PDE4D: variants seen among roughly 807,000 people sequenced by gnomAD.
PDE4D encodes the protein phosphodiesterase 4D.
A neutral mutation model predicts 87.4 loss-of-function variants in PDE4D; 24 were observed. That is an observed-to-expected ratio of 0.27 (90% CI 0.20 to 0.39). The LOEUF is 0.39. PDE4D is among the 10% of genes least tolerant of loss of function. The probability of loss-of-function intolerance (pLI) is 1.00; values close to 1 mark genes in which losing one functional copy is unlikely to be tolerated. For missense variants in PDE4D, 714 were observed against 1,041.0 expected, an observed-to-expected ratio of 0.69 and a Z score of 4.32; for synonymous variants, 384 against 383.2, an observed-to-expected ratio of 1.00 and a Z score of -0.02.
chr5:60,028,008 C>T (rs1766819778), intron 2 of PDE4D, among the ~76,000 whole-genome samples: 1 of 152,186 alleles, frequency 6.6e-6, no homozygotes, highest in African/African-American at 2.4e-5. Context: ...ATGGCCTCAA[C>T]TGTCATTCAC....
At chr5:58,986,538 G>A (rs1197196109) in intron 11 of PDE4D, among the ~76,000 whole-genome samples, 1 of 152,218 alleles carries the variant, frequency 6.6e-6, no homozygotes, top group Non-Finnish European at 1.5e-5. Flanking sequence ...TGTCAGATCA[G>A]CAGGGACATT....
At chr5:60,317,315 T>A (rs1283352348) in intron 1 of PDE4D, among the ~76,000 whole-genome samples, 1 of 152,234 alleles carries the variant, frequency 6.6e-6, no homozygotes, top group African/African-American at 2.4e-5. Flanking sequence ...TTTGTATTTC[T>A]GTGGAATCAG....
intron 1 of PDE4D, among the ~76,000 whole-genome samples, chr5:60,463,051 C>T (rs944217419): frequency 2.0e-5 from 3 of 152,144 alleles, no homozygotes; most frequent in African/African-American, 7.2e-5. Context: ...TCAGAAACCC[C>T]TGCAAACTCA....
intron 11 of PDE4D, among the ~76,000 whole-genome samples, chr5:58,981,893 T>C (rs1291988452): frequency 6.6e-6 from 1 of 152,176 alleles, no homozygotes; most frequent in Non-Finnish European, 1.5e-5. Flanking sequence ...TACTCTTCCT[T>C]ACCTTCATTG....
exon 3 of PDE4D, chr5:59,988,677 T>A: frequency 1.3e-6 from 2 of 1,598,554 alleles, no homozygotes; most frequent in Non-Finnish European, 1.7e-6. Context: ...GCGGAAAGGG[T>A]CTTCCTCTTC....
chr5:59,728,201 A>G (rs755446097), intron 1 of PDE4D, among the ~76,000 whole-genome samples: 57 of 152,102 alleles, frequency 3.7e-4, no homozygotes, highest in Non-Finnish European at 5.6e-4. Context: ...AGATGACATT[A>G]AGACTTGAGC....
chr5:60,110,186 T>C (rs1001875443), intron 2 of PDE4D, among the ~76,000 whole-genome samples: 3 of 151,886 alleles, frequency 2.0e-5, no homozygotes, highest in Non-Finnish European at 4.4e-5. Flanking sequence ...TATATTAAAC[T>C]AAAAAGTTTC....
intron 2 of PDE4D, among the ~76,000 whole-genome samples, chr5:60,083,224 T>C (rs1774164564): frequency 6.6e-6 from 1 of 152,214 alleles, no homozygotes; most frequent in Non-Finnish European, 1.5e-5. Context: ...ATAAATGAAC[T>C]CAGGACCTTT....
intron 1 of PDE4D, among the ~76,000 whole-genome samples, chr5:59,733,724 T>C (rs1462360106): frequency 6.6e-6 from 1 of 150,600 alleles, no homozygotes; most frequent in Non-Finnish European, 1.5e-5. Flanking sequence ...ATAGCATCCA[T>C]ATTACCATCT....
chr5:60,220,059 T>C (rs1363678394), intron 1 of PDE4D, among the ~76,000 whole-genome samples: 1 of 152,148 alleles, frequency 6.6e-6, no homozygotes, highest in African/African-American at 2.4e-5. Context: ...GGAAGCTGGA[T>C]TACTTATATC....
intron 2 of PDE4D, among the ~76,000 whole-genome samples, chr5:59,204,080 A>G (rs1413393677): frequency 6.6e-6 from 1 of 152,178 alleles, no homozygotes; most frequent in Admixed American, 6.5e-5. Context: ...ATCATTCCAC[A>G]ATGTATACAT....
chr5:59,894,003 G>A (rs1252883232), upstream of PDE4D, among the ~76,000 whole-genome samples: 2 of 152,182 alleles, frequency 1.3e-5, no homozygotes, highest in African/African-American at 4.8e-5. Context: ...TCGGGCTGCA[G>A]AAGCAGCAGC....
chr5:59,454,922 T>C (rs895368636), intron 1 of PDE4D, among the ~76,000 whole-genome samples: 9 of 152,168 alleles, frequency 5.9e-5, no homozygotes, highest in Non-Finnish European at 1.3e-4. Context: ...TGTGGAACTT[T>C]GAACTTGAGG....
At chr5:59,242,142 G>C (rs1427541783) in intron 1 of PDE4D, among the ~76,000 whole-genome samples, 2 of 152,128 alleles carry the variant, frequency 1.3e-5, no homozygotes, top group Non-Finnish European at 2.9e-5. Context: ...TGTAGTCCCA[G>C]CTACTCAAGA....
chr5:59,154,885 T>G (rs1254839049), intron 5 of PDE4D, among the ~76,000 whole-genome samples: 1 of 152,118 alleles, frequency 6.6e-6, no homozygotes, highest in Non-Finnish European at 1.5e-5. Context: ...GACAACTCTG[T>G]TTCAAAAATA....
chr5:59,732,082 A>G (rs1757438530), intron 1 of PDE4D, among the ~76,000 whole-genome samples: 1 of 152,202 alleles, frequency 6.6e-6, no homozygotes. Flanking sequence ...CTGCTGCGCA[A>G]ACATCATTGC....
chr5:59,007,785 A>C (rs1751929869), intron 6 of PDE4D, among the ~76,000 whole-genome samples: 1 of 152,104 alleles, frequency 6.6e-6, no homozygotes, highest in Non-Finnish European at 1.5e-5. Flanking sequence ...AAAACCAAAT[A>C]ATCATCTGAA....
chr5:59,198,769 C>T (rs987996164), intron 2 of PDE4D, among the ~76,000 whole-genome samples: 1 of 152,064 alleles, frequency 6.6e-6, no homozygotes, highest in African/African-American at 2.4e-5. Flanking sequence ...TTATTTATCA[C>T]GTTATTTTCT....
intron 1 of PDE4D, chr5:59,587,523 C>T: frequency 1.0e-6 from 1 of 985,406 alleles, no homozygotes; most frequent in Non-Finnish European, 1.2e-6. Flanking sequence ...TCCAGCAGAA[C>T]CTTTGGAATC....
Sources: gnomAD v4.1 joint callset for allele counts (sites outside exome capture counted in the v4.1 genomes callset) on GRCh38, gnomAD v4.1.1 for gene constraint, MANE v1.5 for transcripts, NCBI Gene and HGNC (gene_info 2026-07-23, HGNC 2026-07-21) for gene names.